RBM44: variants seen among roughly 807,000 people sequenced by gnomAD.
The protein encoded by RBM44 is RNA binding motif protein 44.
Under a neutral mutation model 105.1 loss-of-function variants are expected in RBM44, and 66 were observed. The observed-to-expected ratio is 0.63, with a 90% CI of 0.52 to 0.77. The LOEUF (loss-of-function observed/expected upper bound fraction) is 0.77, where lower values mean the gene tolerates loss of function less well. RBM44 is among the 30% of genes least tolerant of loss of function. The pLI is 0.00. For synonymous variants in RBM44, 365 were observed against 417.6 expected, an observed-to-expected ratio of 0.87 and a Z score of 1.54; for missense variants, 1,122 against 1,207.8, an observed-to-expected ratio of 0.93 and a Z score of 1.05.
intron 1 of RBM44, among the ~76,000 whole-genome samples, chr2:237,805,782 T>C (rs1006212774): frequency 1.4e-4 from 21 of 152,114 alleles, no homozygotes; most frequent in African/African-American, 3.9e-4. Flanking sequence ...CTGGACAACA[T>C]AGGGAGACCC....
chr2:237,820,092 A>G, intron 4 of RBM44, 83 bp from the exon 5 acceptor site: 4 of 707,016 alleles, frequency 5.7e-6, no homozygotes, highest in Non-Finnish European at 8.7e-6. Context: ...AATATAAAAA[A>G]TTTAAAATCT....
At chr2:237,809,577 C>G (rs927128945) in intron 1 of RBM44, among the ~76,000 whole-genome samples, 1 of 152,176 alleles carries the variant, frequency 6.6e-6, no homozygotes, top group Admixed American at 6.5e-5. Context: ...TTTATCTCTT[C>G]AACCTTTTTC....
chr2:237,807,543 TAAG>T (rs1194768236), intron 1 of RBM44, among the ~76,000 whole-genome samples: 1 of 152,236 alleles, frequency 6.6e-6, no homozygotes, highest in East Asian at 1.9e-4. Flanking sequence ...ATAGGAACCT[TAAG>T]AAGTAAGCCT....
chr2:237,831,501 T>G (rs996861553), intron 13 of RBM44, among the ~76,000 whole-genome samples: 1 of 152,156 alleles, frequency 6.6e-6, no homozygotes, highest in Non-Finnish European at 1.5e-5. Flanking sequence ...CAGGCTCATC[T>G]TGAATTCCTG....
rs1457263220 is a variant in RBM44, at chr2:237,811,982, GTAGTTGGGA to G, written c.-18-1609_-18-1601del. On this transcript the variant is annotated intron_variant, in intron 1 of 15. Coordinates refer to ENST00000316997, the MANE Select transcript of RBM44 (RefSeq NM_001080504.3). ...TAATTCTCGTGCCTCAGCCTCCCAA[GTAGTTGGGA>G]CTACAGGCACATGCCACCACACCCA... 1.7e-4 allele frequency among the ~76,000 whole-genome samples: 26 copies of G among 152,224 alleles called. No individual in the cohort carries two copies. The South Asian group carries it at 5.2e-3, about 30-fold the overall frequency.
chr2:237,837,337 G>A (rs931631638), intron 15 of RBM44, among the ~76,000 whole-genome samples: 2 of 152,142 alleles, frequency 1.3e-5, no homozygotes, highest in African/African-American at 4.8e-5. Flanking sequence ...AGCTGTCATA[G>A]CTGATTCTCT....
At chr2:237,839,930 C>G (rs1230550539) in intron 15 of RBM44, among the ~76,000 whole-genome samples, 1 of 152,142 alleles carries the variant, frequency 6.6e-6, no homozygotes, top group East Asian at 1.9e-4. Flanking sequence ...GGGGGTGGCT[C>G]ACGCCAGTAA....
intron 13 of RBM44, among the ~76,000 whole-genome samples, chr2:237,831,887 T>TA (rs2061907041): frequency 6.6e-6 from 1 of 152,080 alleles, no homozygotes; most frequent in South Asian, 2.1e-4. Flanking sequence ...AGGAAGGAAA[T>TA]AAAGTGCAGT....
chr2:237,830,660 A>G (rs1357284998), intron 13 of RBM44, among the ~76,000 whole-genome samples: 2 of 152,174 alleles, frequency 1.3e-5, no homozygotes, highest in Admixed American at 6.5e-5. Context: ...TGTTAAAAAG[A>G]TGATCCTATT....
At chr2:237,809,750 A>G (rs114390447) in intron 1 of RBM44, among the ~76,000 whole-genome samples, 3,561 of 152,256 alleles carry the variant, frequency 0.023, 132 homozygotes, top group African/African-American at 0.081. Context: ...TAGCACCACA[A>G]TACAAGCAAT....
At chr2:237,805,820 C>T (rs977484286) in intron 1 of RBM44, among the ~76,000 whole-genome samples, 3 of 151,964 alleles carry the variant, frequency 2.0e-5, no homozygotes, top group Non-Finnish European at 4.4e-5. Flanking sequence ...TTAAAATTAG[C>T]CAGGCATGGT....
At chr2:237,824,258 G>A (rs781669435) in intron 9 of RBM44, 33 bp from the exon 10 acceptor site, 2 of 1,608,918 alleles carry the variant, frequency 1.2e-6, no homozygotes, top group South Asian at 1.1e-5. Flanking sequence ...GACGTTACGT[G>A]TCATTCATAG....
At position 237,817,769 on chromosome 2, in the gene RBM44, C is replaced by A. The variant is rs767507041; in HGVS notation, c.850C>A (p.Gln284Lys). The A allele has an allele frequency of 1.5e-5, 24 of 1,611,378 alleles. No homozygotes were observed. Among genetic ancestry groups the A allele is most frequent in the Non-Finnish European group, 1.9e-5 (22 of 1,178,742 alleles). ...HDLKHEKYKE[Q>K]ETNSMYHTVF... ...CCTAAAGCATGAAAAGTATAAGGAA[C>A]AAGAGACTAATTCAATGTACCACAC... The change falls in exon 3 of 16, where the codon CAA (glutamine) becomes AAA (lysine). Residue 284 changes from glutamine to lysine, a missense_variant. Gln to Lys is a moderately conservative substitution (Grantham distance 53). Around this residue, in one of 3 missense-constraint regions of RBM44, gnomAD observed 918 missense variants for 955.3 expected, o/e 0.96. Transcript: ENST00000316997.
Position 237,829,364 on chromosome 2 carries a change from G to C in RBM44, c.2748G>C (p.Gly916=), listed in dbSNP as rs371622905. Reference sequence around the variant, plus strand: ...CATCACCACTTTCCTCCAAAAATGGGAATAGAATTAGTTCGAATAATTTAG... The same window carrying C: ...CATCACCACTTTCCTCCAAAAATGGCAATAGAATTAGTTCGAATAATTTAG... The part of the protein sequence containing the change: ...EYTSPLSSKN[G]NRISSNNLEK... The change falls in exon 13 of 16, where the codon GGG becomes GGC. Residue 916 remains glycine, a synonymous_variant. Coordinates refer to ENST00000316997, the MANE Select transcript of RBM44 (RefSeq NM_001080504.3). 1.2e-6 allele frequency: 2 copies of C among 1,613,642 alleles called. No individual in the cohort carries two copies. The highest frequency in any genetic ancestry group is 1.3e-5 in the African/African-American group (1 of 75,020).
intron 1 of RBM44, among the ~76,000 whole-genome samples, chr2:237,802,268 C>G (rs1253600523): frequency 6.6e-6 from 1 of 152,158 alleles, no homozygotes; most frequent in Non-Finnish European, 1.5e-5. Flanking sequence ...TTCCCAACCC[C>G]CAGCCTGAGC....
chr2:237,820,155 CCTAT>C lies in RBM44; in HGVS notation c.1737-17_1737-14del, dbSNP rs201313145. 42,955 of 1,411,050 alleles carry C rather than the reference CCTAT, an allele frequency of 0.03. 721 individuals are homozygous for C. Among genetic ancestry groups the C allele is most frequent in the Middle Eastern group, 0.051 (286 of 5,560 alleles). 87.4% of individuals were successfully genotyped at this position (1,411,050 alleles called of 1,614,324 possible). On this transcript the variant is annotated splice_polypyrimidine_tract_variant and intron_variant, in intron 4 of 15. Transcript: ENST00000316997. ...AAAAATGTTTGGAATCTTACCTGAT[CCTAT>C]CTTTTATTTTTAAAGGGAATTTCAA...
chr2:237,818,294 A>G lies in RBM44; in HGVS notation c.1375A>G (p.Ser459Gly). 4 of 1,613,420 alleles carry G rather than the reference A, an allele frequency of 2.5e-6. No individual in the cohort carries two copies. Among genetic ancestry groups the G allele is most frequent in the East Asian group, 2.2e-5 (1 of 44,870 alleles). Reference protein sequence around the residue: ...MCTKSLTDAASCTVTINQTVD... With the variant: ...MCTKSLTDAAGCTVTINQTVD... The stretch of plus-strand genomic sequence containing the variant: ...TACTAAATCATTGACAGATGCAGCA[A>G]GTTGTACAGTCACAATTAATCAGAC... The change falls in exon 3 of 16, where the codon AGT becomes GGT. Residue 459 changes from serine (S) to glycine (G), a missense_variant. Physicochemically the swap from Ser to Gly is moderately conservative, Grantham distance 56 (BLOSUM62 0). Transcript: ENST00000316997. This position sits in a 1 kb window ranked among gnomAD's most constrained non-coding sequence, Gnocchi z 4.6.
chr2:237,824,443 G>T lies in RBM44; in HGVS notation c.2449+24G>T, dbSNP rs767680386. On this transcript the variant is annotated intron_variant, in intron 10 of 15. Coordinates refer to ENST00000316997, the MANE Select transcript of RBM44 (RefSeq NM_001080504.3). ...AGGTTGGTTCTCAAGAATTTACCGAGAAATCCTAACCTAGATCATTTGTAA... is the reference window on the plus strand; with the variant it reads ...AGGTTGGTTCTCAAGAATTTACCGATAAATCCTAACCTAGATCATTTGTAA... 1.9e-6 allele frequency: 3 copies of T among 1,603,418 alleles called. No homozygotes were observed. In the South Asian group the frequency reaches 3.3e-5, roughly 18 times the overall value.
At position 237,817,079 on chromosome 2, in the gene RBM44, T is replaced by C; in HGVS notation, c.160T>C (p.Trp54Arg). The C allele has an allele frequency of 4.4e-6, 7 of 1,604,596 alleles. No homozygotes were observed. The highest frequency in any genetic ancestry group is 1.1e-5 in the South Asian group (1 of 90,042). The change falls in exon 3 of 16, where the codon TGG becomes CGG. Residue 54 changes from tryptophan (W) to arginine (R), a missense_variant. This residue lies in a region of RBM44 where 918 missense variants were observed against 955.3 expected (regional missense o/e 0.96). Coordinates refer to ENST00000316997, the MANE Select transcript of RBM44 (RefSeq NM_001080504.3). ...EVKLTFPDDD[W>R]NSSTLEQRAN... Reference sequence around the variant, plus strand: ...CAAATTGACTTTTCCTGATGATGACTGGAATTCTTCGACACTAGAGCAAAG... The same window carrying C: ...CAAATTGACTTTTCCTGATGATGACCGGAATTCTTCGACACTAGAGCAAAG...
Sources: allele counts gnomAD v4.1 joint callset (sites outside exome capture counted in the v4.1 genomes callset), GRCh38; gene constraint gnomAD v4.1.1; regional missense constraint gnomAD v4.1.1; non-coding constraint Gnocchi (gnomAD v3.1); transcripts MANE v1.5; gene names NCBI Gene and HGNC (gene_info 2026-07-23, HGNC 2026-07-21).